Variants in CDKAL1 observed in about 807,000 individuals in gnomAD.
CDKAL1 encodes the protein CDKAL1 threonylcarbamoyladenosine tRNA methylthiotransferase.
CDKAL1 carries 32 observed loss-of-function variants against 68.2 expected under a neutral mutation model. The ratio of observed to expected loss-of-function variants is 0.47; its 90% CI spans 0.35 to 0.63. The LOEUF (loss-of-function observed/expected upper bound fraction) is 0.63. Among genes scored for constraint, CDKAL1 ranks in the 30% least tolerant of loss-of-function variants. The probability of loss-of-function intolerance (pLI) is 0.00; values close to 1 mark genes in which losing one functional copy is unlikely to be tolerated. For missense variants in CDKAL1, 606 were observed against 696.7 expected (o/e 0.87, Z 1.47); for synonymous variants, 234 against 244.3 (o/e 0.96, Z 0.39).
intron 5 of CDKAL1, among the ~76,000 whole-genome samples, chr6:20,659,252 TTAAA>T (rs1562004298): frequency 6.6e-6 from 1 of 152,336 alleles, no homozygotes; most frequent in Non-Finnish European, 1.5e-5. Flanking sequence ...GAGTTATACT[TTAAA>T]TAATACTATA....
intron 4 of CDKAL1, among the ~76,000 whole-genome samples, chr6:20,573,274 A>C (rs1764777904): frequency 6.6e-6 from 1 of 152,134 alleles, no homozygotes; most frequent in Non-Finnish European, 1.5e-5. Flanking sequence ...TATTAAGAAT[A>C]TGTAGTATAG....
At chr6:20,548,529 G>T in intron 3 of CDKAL1, 64 bp from the exon 4 acceptor site, 1 of 782,388 alleles carries the variant, frequency 1.3e-6, no homozygotes. Context: ...CAAGACCCTG[G>T]ATCAAAAAAA....
chr6:21,227,284 A>G (rs1216902772), intron 15 of CDKAL1, among the ~76,000 whole-genome samples: 2 of 152,104 alleles, frequency 1.3e-5, no homozygotes, highest in Non-Finnish European at 2.9e-5. Context: ...GTACATTTAC[A>G]TGTTTGAGCA....
intron 13 of CDKAL1, among the ~76,000 whole-genome samples, chr6:21,178,604 C>G (rs1221750978): frequency 6.6e-6 from 1 of 152,148 alleles, no homozygotes; most frequent in Non-Finnish European, 1.5e-5. Flanking sequence ...AAAGTCATTG[C>G]AGAACAGGTT....
chr6:21,125,824 T>G (rs1311020459), intron 13 of CDKAL1, among the ~76,000 whole-genome samples: 1 of 152,230 alleles, frequency 6.6e-6, no homozygotes, highest in Non-Finnish European at 1.5e-5. Flanking sequence ...CTTCCTCTAC[T>G]CTCAGCTCCT....
chr6:21,105,300 A>G (rs928980672), intron 12 of CDKAL1, among the ~76,000 whole-genome samples: 3 of 152,202 alleles, frequency 2.0e-5, no homozygotes, highest in African/African-American at 7.2e-5. Flanking sequence ...CTCCAGGGGA[A>G]GGGAGTGTTA....
At position 20,975,983 on chromosome 6, in the gene CDKAL1, A is replaced by C. The variant is rs562060280; in HGVS notation, c.909+20398A>C. On this transcript the variant is annotated intron_variant, in intron 10 of 15. Coordinates refer to ENST00000274695, the MANE Select transcript of CDKAL1 (RefSeq NM_017774.3). ...GACACGTACCCACCGTTATAGTATC[A>C]TACTGAATAGTTTGACTGCTCTAAA... Among the ~76,000 whole-genome samples the C allele has an allele frequency of 1.6e-4, 24 of 152,262 alleles. No homozygotes were observed. The South Asian group carries it at 5.0e-3, about 32-fold the overall frequency.
chr6:20,757,841 T>C (rs1253460697), intron 6 of CDKAL1, among the ~76,000 whole-genome samples: 1 of 152,208 alleles, frequency 6.6e-6, no homozygotes, highest in Non-Finnish European at 1.5e-5. Flanking sequence ...GACTTATTCT[T>C]TTTTTAGCTT....
chr6:20,851,300 G>T (rs1758998888), intron 9 of CDKAL1, among the ~76,000 whole-genome samples: 1 of 152,212 alleles, frequency 6.6e-6, no homozygotes, highest in Non-Finnish European at 1.5e-5. Context: ...AACATGTCAA[G>T]TGGTGACCAG....
intron 4 of CDKAL1, among the ~76,000 whole-genome samples, chr6:20,568,068 G>A (rs1160886825): frequency 6.6e-6 from 1 of 152,058 alleles, no homozygotes; most frequent in Non-Finnish European, 1.5e-5. Flanking sequence ...AGTAGAGACG[G>A]GGGTTTCACC....
intron 4 of CDKAL1, among the ~76,000 whole-genome samples, chr6:20,610,532 A>G (rs1179779350): frequency 2.7e-5 from 4 of 150,904 alleles, no homozygotes; most frequent in Non-Finnish European, 4.4e-5. Flanking sequence ...CTTTGAAATT[A>G]TATTTGGCTC....
In CDKAL1 at chr6:20,811,439, T is replaced by C. The variant is rs1561797362; in HGVS notation, c.638+30174T>C. 2.0e-5 allele frequency among the ~76,000 whole-genome samples: 3 copies of C among 152,208 alleles called. No homozygotes were observed. The South Asian group carries it at 6.2e-4, about 31-fold the overall frequency. ...ACCTTGTGTCTTAAGTATCTTTTTGTCTGTTGTTTCATTTTTTTCTTTCTT... is the reference window on the plus strand; with the variant it reads ...ACCTTGTGTCTTAAGTATCTTTTTGCCTGTTGTTTCATTTTTTTCTTTCTT... On this transcript the variant is annotated intron_variant, in intron 8 of 15. Coordinates refer to ENST00000274695, the MANE Select transcript of CDKAL1 (RefSeq NM_017774.3).
intron 8 of CDKAL1, among the ~76,000 whole-genome samples, chr6:20,841,329 C>T (rs868044894): frequency 6.6e-6 from 1 of 151,976 alleles, no homozygotes; most frequent in Non-Finnish European, 1.5e-5. Context: ...ACATTAGTCA[C>T]CTTTTTTCCC....
intron 9 of CDKAL1, among the ~76,000 whole-genome samples, chr6:20,929,349 G>T (rs1763324208): frequency 6.6e-6 from 1 of 152,180 alleles, no homozygotes; most frequent in Admixed American, 6.5e-5. Context: ...TGGGGGCAAG[G>T]ATAGCATTTT....
chr6:20,992,031 C>CTTTTTTTT (rs71530401), intron 10 of CDKAL1, among the ~76,000 whole-genome samples: 30 of 100,468 alleles, frequency 3.0e-4, no homozygotes, highest in African/African-American at 4.2e-4. Flanking sequence ...TTTTTCTTTT[C>CTTTTTTTT]TTTTTTTTTT....
chr6:21,126,252 C>G (rs1211965249), intron 13 of CDKAL1, among the ~76,000 whole-genome samples: 1 of 152,174 alleles, frequency 6.6e-6, no homozygotes, highest in East Asian at 1.9e-4. Flanking sequence ...GCAGTCTGTT[C>G]TTTCCTCTGT....
At chr6:20,798,338 A>T (rs1319954968) in intron 8 of CDKAL1, among the ~76,000 whole-genome samples, 1 of 152,128 alleles carries the variant, frequency 6.6e-6, no homozygotes, top group Non-Finnish European at 1.5e-5. Context: ...AGAACTGTAC[A>T]CCTTCCAGAA....
intron 12 of CDKAL1, among the ~76,000 whole-genome samples, chr6:21,097,474 C>CA (rs1169677420): frequency 2.2e-5 from 3 of 133,676 alleles, no homozygotes; most frequent in Non-Finnish European, 3.3e-5. Context: ...TCTCAAAAAA[C>CA]AAAAAAAAGA....
At chr6:20,673,992 T>C (rs1197053562) in intron 5 of CDKAL1, among the ~76,000 whole-genome samples, 1 of 152,198 alleles carries the variant, frequency 6.6e-6, no homozygotes, top group Admixed American at 6.5e-5. Context: ...TAAATATTTT[T>C]TTTTCTGCCT....
Sources: allele counts gnomAD v4.1 joint callset (sites outside exome capture counted in the v4.1 genomes callset), GRCh38; gene constraint gnomAD v4.1.1; transcripts MANE v1.5; gene names NCBI Gene and HGNC (gene_info 2026-07-23, HGNC 2026-07-21).